SLC6A17: variants seen among roughly 807,000 people sequenced by gnomAD.
SLC6A17 encodes sodium-dependent neutral amino acid transporter SLC6A17.
SLC6A17 carries 21 observed loss-of-function variants against 64.5 expected under a neutral mutation model. That is an observed-to-expected ratio of 0.33 (90% CI 0.23 to 0.47). SLC6A17 has a LOEUF of 0.47. SLC6A17 is among the 20% of genes least tolerant of loss of function. The pLI is 1.00. For missense variants in SLC6A17, 682 were observed against 963.2 expected (o/e 0.71, Z 3.86); for synonymous variants, 372 against 399.5 (o/e 0.93, Z 0.82).
intron 1 of SLC6A17, among the ~76,000 whole-genome samples, chr1:110,164,137 G>C (rs970299741): frequency 5.3e-5 from 8 of 152,292 alleles, no homozygotes; most frequent in Admixed American, 6.5e-5. Context: ...CTCACACCTA[G>C]AACAGAGGCT....
chr1:110,158,456 A>T (rs1655817089), intron 1 of SLC6A17, among the ~76,000 whole-genome samples: 1 of 152,106 alleles, frequency 6.6e-6, no homozygotes, highest in African/African-American at 2.4e-5. Context: ...GTATGCCTTG[A>T]TTCCTGGCTA....
At chr1:110,151,343 T>C (rs978609593) in intron 1 of SLC6A17, among the ~76,000 whole-genome samples, 3 of 152,244 alleles carry the variant, frequency 2.0e-5, no homozygotes, top group African/African-American at 7.2e-5. Flanking sequence ...GCCTGTGACC[T>C]TGACAGTAAC....
chr1:110,183,168 CA>C (rs1294916672), intron 6 of SLC6A17, among the ~76,000 whole-genome samples: 1 of 150,734 alleles, frequency 6.6e-6, no homozygotes, highest in East Asian at 1.9e-4. Flanking sequence ...AACTTATACA[CA>C]AATGTTCATA....
intron 1 of SLC6A17, among the ~76,000 whole-genome samples, chr1:110,163,811 G>T (rs1403149859): frequency 6.6e-6 from 1 of 152,094 alleles, no homozygotes; most frequent in Non-Finnish European, 1.5e-5. Flanking sequence ...TTCCTTTTTG[G>T]GAGCTTTGTG....
chr1:110,166,914 G>A lies in SLC6A17; in HGVS notation c.-16G>A, dbSNP rs1430567437. ...TGTGTGCTGGGGAGCAGGGCTACAC[G>A]GCCCAGGTGGCATCAATGCCGAAGA... On this transcript the variant is annotated 5_prime_UTR_variant, in exon 2 of 12. Transcript: ENST00000331565. 3 of 1,591,538 alleles carry A rather than the reference G, an allele frequency of 1.9e-6. No homozygotes were observed. The highest frequency in any genetic ancestry group is 1.7e-4 in the Middle Eastern group (1 of 5,960).
chr1:110,165,446 C>T (rs1656022904), intron 1 of SLC6A17, among the ~76,000 whole-genome samples: 1 of 152,172 alleles, frequency 6.6e-6, no homozygotes, highest in South Asian at 2.1e-4. Context: ...AAAGCCTAAC[C>T]CTGTCTATGC....
In SLC6A17 at chr1:110,161,776, C is replaced by G. The variant is rs75149954; in HGVS notation, c.-87-5067C>G. 1.2e-3 allele frequency among the ~76,000 whole-genome samples: 181 copies of G among 152,304 alleles called. 2 individuals carry two copies. The highest frequency in any genetic ancestry group is 4.1e-3 in the African/African-American group (169 of 41,574). ...GCCCCTCTTCCCTTCTCCTCCTCCCCGGCTGCTGTGGGGTGGAGGGGCTCC... is the reference window on the plus strand; with the variant it reads ...GCCCCTCTTCCCTTCTCCTCCTCCCGGGCTGCTGTGGGGTGGAGGGGCTCC... On this transcript the variant is annotated intron_variant, in intron 1 of 11. Transcript: ENST00000331565.
intron 9 of SLC6A17, among the ~76,000 whole-genome samples, chr1:110,195,329 G>A (rs1473017139): frequency 6.6e-6 from 1 of 152,250 alleles, no homozygotes; most frequent in Admixed American, 6.5e-5. Context: ...CCTGCCACGG[G>A]CCAGGCCCTG....
At position 110,198,268 on chromosome 1, in the gene SLC6A17, A is replaced by G; in HGVS notation, c.2008A>G (p.Asn670Asp). 6.2e-7 allele frequency: 1 copy of G among 1,614,122 alleles called. No individual in the cohort carries two copies. Among genetic ancestry groups the G allele is most frequent in the Non-Finnish European group, 8.5e-7 (1 of 1,180,004 alleles). ...GAAGGACATCTCCAACCTGGAGGAG[A>G]ACGATGAGACCCGCTTCATCCTCAG... ...MMKDISNLEENDETRFILSKV... is the reference protein window; with the variant it reads ...MMKDISNLEEDDETRFILSKV... The change falls in exon 12 of 12, where the codon AAC (asparagine) becomes GAC (aspartate). Residue 670 changes from asparagine (N) to aspartate (D), a missense_variant. By Grantham distance (23) the Asn-to-Asp change is conservative (BLOSUM62 1). Coordinates refer to ENST00000331565, the MANE Select transcript of SLC6A17 (RefSeq NM_001010898.4).
At chr1:110,154,734 A>T (rs1282729078) in intron 1 of SLC6A17, among the ~76,000 whole-genome samples, 5 of 152,190 alleles carry the variant, frequency 3.3e-5, no homozygotes, top group Non-Finnish European at 7.3e-5. Context: ...GAATTTCTGC[A>T]TATGCAGAAT....
intron 6 of SLC6A17, among the ~76,000 whole-genome samples, chr1:110,188,607 A>T (rs917623764): frequency 6.6e-6 from 1 of 152,164 alleles, no homozygotes; most frequent in Non-Finnish European, 1.5e-5. Context: ...CTCCTCTCTC[A>T]AATGAGCAGC....
chr1:110,168,735 T>A (rs1656140416), intron 2 of SLC6A17, among the ~76,000 whole-genome samples: 1 of 152,234 alleles, frequency 6.6e-6, no homozygotes, highest in Admixed American at 6.5e-5. Context: ...TTGTTCTTTC[T>A]AGCTTAGATG....
At position 110,194,781 on chromosome 1, in the gene SLC6A17, C is replaced by G; in HGVS notation, c.1492+10C>G. 1 of 1,611,314 alleles carries G rather than the reference C, an allele frequency of 6.2e-7. No homozygotes were observed. The highest frequency in any genetic ancestry group is 8.5e-7 in the Non-Finnish European group (1 of 1,180,014). On this transcript the variant is annotated intron_variant, in intron 9 of 11. Coordinates refer to ENST00000331565, the MANE Select transcript of SLC6A17 (RefSeq NM_001010898.4). ...AAGGAGATGTTCACAGGTAACTCCTCCCTGCCCCCATGCCCAGGCTCTGCA... is the reference window on the plus strand; with the variant it reads ...AAGGAGATGTTCACAGGTAACTCCTGCCTGCCCCCATGCCCAGGCTCTGCA...
intron 1 of SLC6A17, among the ~76,000 whole-genome samples, chr1:110,163,515 G>A (rs1233298154): frequency 1.3e-5 from 2 of 152,174 alleles, no homozygotes; most frequent in South Asian, 4.1e-4. Context: ...CTGCTCATTG[G>A]ACCCTCACAG....
At chr1:110,188,790 G>A (rs1245415499) in intron 6 of SLC6A17, among the ~76,000 whole-genome samples, 3 of 151,422 alleles carry the variant, frequency 2.0e-5, no homozygotes, top group Non-Finnish European at 4.4e-5. Flanking sequence ...CTCCTGATCC[G>A]AGGCTTGCTT....
intron 9 of SLC6A17, 65 bp from the exon 10 acceptor site, chr1:110,195,521 G>C: frequency 6.3e-7 from 1 of 1,584,040 alleles, no homozygotes; most frequent in Admixed American, 1.7e-5. Flanking sequence ...GGGTGCCCCC[G>C]AGACCCCCAG....
At chr1:110,173,828 G>A (rs532082147) in intron 3 of SLC6A17, 145 bp from the exon 4 acceptor site, 17 of 1,178,090 alleles carry the variant, frequency 1.4e-5, no homozygotes, top group African/African-American at 1.6e-5. Context: ...GCTCCTCCAC[G>A]GCCCGCACCC....
chr1:110,193,260 C>G (rs570918669), intron 8 of SLC6A17, among the ~76,000 whole-genome samples: 1 of 152,156 alleles, frequency 6.6e-6, no homozygotes, highest in South Asian at 2.1e-4. Flanking sequence ...TGCTCAGGAT[C>G]ACCTCTTGAT....
chr1:110,180,154 C>T (rs574065000), intron 6 of SLC6A17, among the ~76,000 whole-genome samples: 3 of 152,300 alleles, frequency 2.0e-5, no homozygotes. Context: ...TGGCAAGAAG[C>T]AGAGGCAAAC....
Sources: gnomAD v4.1 joint callset for allele counts (sites outside exome capture counted in the v4.1 genomes callset) on GRCh38, gnomAD v4.1.1 for gene constraint, MANE v1.5 for transcripts, NCBI Gene and HGNC (gene_info 2026-07-23, HGNC 2026-07-21) for gene names.